The following VPS13B variants were observed in gnomAD, a reference collection of about 807,000 sequenced individuals.
VPS13B encodes the protein intermembrane lipid transfer protein VPS13B.
Under a neutral mutation model 426.4 loss-of-function variants are expected in VPS13B, and 285 were observed. The observed-to-expected ratio is 0.67, with a 90% CI of 0.61 to 0.74. VPS13B has a LOEUF of 0.74. Among genes scored for constraint, VPS13B ranks in the 30% least tolerant of loss-of-function variants. VPS13B has a pLI of 0.00. For missense variants in VPS13B, 4,537 were observed against 4,782.6 expected (o/e 0.95, Z 1.51); for synonymous variants, 1,676 against 1,676.4 (o/e 1.00, Z 0.01).
chr8:99,032,943 A>T (rs570039319), intron 2 of VPS13B, among the ~76,000 whole-genome samples: 7 of 152,018 alleles, frequency 4.6e-5, no homozygotes, highest in Admixed American at 1.3e-4. Context: ...AATAGAGAAC[A>T]TTTCTCTACT....
Position 99,854,242 on chromosome 8 carries a change from C to A in VPS13B, c.10853C>A (p.Ala3618Asp). Residue 3618 changes from alanine (A) to aspartate (D), a missense_variant, in exon 56 of 62, where the codon GCC becomes GAC. Around this residue, in one of 2 missense-constraint regions of VPS13B, gnomAD observed 4,311 missense variants for 4,474.3 expected, o/e 0.96. Coordinates refer to ENST00000357162, the MANE Select transcript of VPS13B (RefSeq NM_152564.5). Reference protein sequence around the residue: ...HALAMHYAAGALFRAGWVVGS... With the variant: ...HALAMHYAAGDLFRAGWVVGS... The stretch of plus-strand genomic sequence containing the variant: ...CTGGCAATGCACTATGCCGCTGGGG[C>A]CCTTTTTAGAGCAGGTAAGAACACA... 1 of 1,613,830 alleles carries A rather than the reference C, an allele frequency of 6.2e-7. No homozygotes were observed. Among genetic ancestry groups the A allele is most frequent in the Non-Finnish European group, 8.5e-7 (1 of 1,179,972 alleles).
intron 17 of VPS13B, chr8:99,234,352 CCA>C: frequency 1.3e-6 from 1 of 743,938 alleles, no homozygotes; most frequent in South Asian, 1.4e-5. Flanking sequence ...CCAACATCGC[CCA>C]CTGCAGGTGA....
chr8:99,265,958 G>A (rs748561286), intron 17 of VPS13B, among the ~76,000 whole-genome samples: 11 of 152,092 alleles, frequency 7.2e-5, no homozygotes, highest in Admixed American at 3.3e-4. Context: ...TTAGTTTAGC[G>A]CCTTAAAATA....
At chr8:99,033,925 C>T (rs1411367191) in intron 2 of VPS13B, among the ~76,000 whole-genome samples, 2 of 152,064 alleles carry the variant, frequency 1.3e-5, no homozygotes, top group African/African-American at 2.4e-5. Context: ...ATATGGTTTC[C>T]CTTATTTCTT....
intron 25 of VPS13B, among the ~76,000 whole-genome samples, chr8:99,488,934 T>A (rs1206305583): frequency 6.6e-6 from 1 of 152,222 alleles, no homozygotes; most frequent in Non-Finnish European, 1.5e-5. Context: ...TTGCTTTTGG[T>A]GTTTTAGTCA....
chr8:99,448,202 A>T (rs1282135166), intron 23 of VPS13B, among the ~76,000 whole-genome samples: 4 of 150,632 alleles, frequency 2.7e-5, no homozygotes, highest in Non-Finnish European at 5.9e-5. Flanking sequence ...TTTTGAACTT[A>T]AAAAAAATCA....
At chr8:99,108,577 C>T (rs1344978535) in intron 5 of VPS13B, among the ~76,000 whole-genome samples, 1 of 152,084 alleles carries the variant, frequency 6.6e-6, no homozygotes, top group African/African-American at 2.4e-5. Flanking sequence ...TATAGAAAAT[C>T]AGTTGGCTGT....
intron 21 of VPS13B, among the ~76,000 whole-genome samples, chr8:99,428,525 A>T (rs1457903570): frequency 6.6e-6 from 1 of 152,226 alleles, no homozygotes; most frequent in African/African-American, 2.4e-5. Flanking sequence ...CAAAAGACAC[A>T]TGAAAAAATG....
chr8:99,312,386 T>C lies in VPS13B; in HGVS notation c.2824+37132T>C, dbSNP rs567800945. Among the ~76,000 whole-genome samples the C allele has an allele frequency of 2.4e-4, 36 of 152,318 alleles. No homozygotes were observed. In the South Asian group the frequency reaches 6.6e-3, roughly 28 times the overall value. Reference sequence around the variant, plus strand: ...CTGGTGGTGACAAAATCTCTCAGCATTTGCTTGTCTGTAAAGTGTTTTATT... The same window carrying C: ...CTGGTGGTGACAAAATCTCTCAGCACTTGCTTGTCTGTAAAGTGTTTTATT... On this transcript the variant is annotated intron_variant, in intron 19 of 61. Coordinates refer to ENST00000357162, the MANE Select transcript of VPS13B (RefSeq NM_152564.5).
At chr8:99,141,218 C>T (rs926303005) in intron 12 of VPS13B, among the ~76,000 whole-genome samples, 1 of 152,156 alleles carries the variant, frequency 6.6e-6, no homozygotes, top group African/African-American at 2.4e-5. Flanking sequence ...AAGTAAATAG[C>T]TGAAAATATA....
At chr8:99,727,655 CT>C (rs1025145990) in intron 39 of VPS13B, among the ~76,000 whole-genome samples, 21 of 152,212 alleles carry the variant, frequency 1.4e-4, no homozygotes, top group African/African-American at 2.4e-4. Flanking sequence ...GACCTGCCCC[CT>C]GATTCATTCA....
intron 39 of VPS13B, among the ~76,000 whole-genome samples, chr8:99,760,093 C>T (rs1055979274): frequency 6.6e-6 from 1 of 152,122 alleles, no homozygotes; most frequent in African/African-American, 2.4e-5. Context: ...TCTCCTGCCT[C>T]AGCCTCCCAA....
At chr8:99,528,239 A>G (rs1463428216) in intron 30 of VPS13B, among the ~76,000 whole-genome samples, 1 of 152,068 alleles carries the variant, frequency 6.6e-6, no homozygotes, top group Non-Finnish European at 1.5e-5. Context: ...GATTTTCTAA[A>G]AATAGCTTTT....
intron 21 of VPS13B, among the ~76,000 whole-genome samples, chr8:99,415,897 G>A (rs1162519585): frequency 6.6e-6 from 1 of 152,150 alleles, no homozygotes; most frequent in Non-Finnish European, 1.5e-5. Flanking sequence ...GGGGGTCGGG[G>A]ACCCACTTGA....
intron 33 of VPS13B, among the ~76,000 whole-genome samples, chr8:99,586,448 A>T (rs553249813): frequency 6.6e-6 from 1 of 152,282 alleles, no homozygotes; most frequent in East Asian, 1.9e-4. Flanking sequence ...GATTCAACAT[A>T]GTAATGTCTA....
chr8:99,662,612 A>C (rs913030417), intron 35 of VPS13B, among the ~76,000 whole-genome samples: 48 of 152,048 alleles, frequency 3.2e-4, no homozygotes, highest in African/African-American at 1.1e-3. Flanking sequence ...ACGCCCAACT[A>C]GTTTTTTTTA....
At chr8:99,558,045 C>A (rs1047518979) in intron 31 of VPS13B, among the ~76,000 whole-genome samples, 4 of 152,166 alleles carry the variant, frequency 2.6e-5, no homozygotes, top group African/African-American at 9.6e-5. Flanking sequence ...ATGCCTTTTG[C>A]AATTCTGATT....
At chr8:99,581,379 A>G (rs1826050920) in intron 33 of VPS13B, among the ~76,000 whole-genome samples, 1 of 152,196 alleles carries the variant, frequency 6.6e-6, no homozygotes, top group South Asian at 2.1e-4. Flanking sequence ...GAAATTTACC[A>G]GTTCACAGCC....
intron 61 of VPS13B, among the ~76,000 whole-genome samples, chr8:99,874,263 T>C (rs1817579107): frequency 6.6e-6 from 1 of 152,240 alleles, no homozygotes; most frequent in Non-Finnish European, 1.5e-5. Context: ...AGCTGAATTC[T>C]GGCCCCATCA....
Sources: allele counts gnomAD v4.1 joint callset (sites outside exome capture counted in the v4.1 genomes callset), GRCh38; gene constraint gnomAD v4.1.1; regional missense constraint gnomAD v4.1.1; transcripts MANE v1.5; gene names NCBI Gene and HGNC (gene_info 2026-07-23, HGNC 2026-07-21).